GRIK4: variants seen among roughly 807,000 people sequenced by gnomAD.
The protein encoded by GRIK4 is glutamate ionotropic receptor kainate type subunit 4.
In GRIK4, 40 loss-of-function variants were observed where a neutral mutation model predicts 104.9. The ratio of observed to expected loss-of-function variants is 0.38; its 90% CI spans 0.30 to 0.50. GRIK4 has a LOEUF of 0.50. Among genes scored for constraint, GRIK4 ranks in the 20% least tolerant of loss-of-function variants. GRIK4 has a pLI of 0.93. For synonymous variants in GRIK4, 485 were observed against 524.9 expected (o/e 0.92, Z 1.04); for missense variants, 1,047 against 1,308.1 (o/e 0.80, Z 3.08).
At chr11:120,920,252 A>G (rs2134564345) in intron 13 of GRIK4, among the ~76,000 whole-genome samples, 1 of 152,328 alleles carries the variant, frequency 6.6e-6, no homozygotes, top group East Asian at 1.9e-4. Flanking sequence ...TAATTCCTGT[A>G]GCGTGCCTGC....
chr11:120,533,651 G>C (rs778574862), intron 1 of GRIK4, among the ~76,000 whole-genome samples: 1 of 152,246 alleles, frequency 6.6e-6, no homozygotes, highest in African/African-American at 2.4e-5. Context: ...GCCAAGGTGA[G>C]TGGATCACTT....
intron 1 of GRIK4, among the ~76,000 whole-genome samples, chr11:120,534,228 G>T (rs1424814290): frequency 2.6e-5 from 4 of 152,194 alleles, no homozygotes. Context: ...TTCATTCGGG[G>T]CAGTTTGGAG....
At chr11:120,699,712 A>G (rs1950519598) in intron 3 of GRIK4, among the ~76,000 whole-genome samples, 1 of 152,178 alleles carries the variant, frequency 6.6e-6, no homozygotes, top group Non-Finnish European at 1.5e-5. Flanking sequence ...AGTGACATGT[A>G]AGTAAAGACT....
chr11:120,587,488 G>A (rs1023982521), intron 1 of GRIK4, among the ~76,000 whole-genome samples: 1 of 152,160 alleles, frequency 6.6e-6, no homozygotes, highest in African/African-American at 2.4e-5. Flanking sequence ...TAGGGATAAT[G>A]GTATGTAATG....
At chr11:120,781,209 A>G (rs1565347945) in intron 3 of GRIK4, among the ~76,000 whole-genome samples, 1 of 149,412 alleles carries the variant, frequency 6.7e-6, no homozygotes, top group South Asian at 2.1e-4. Flanking sequence ...GGTAATAGTC[A>G]TCCTAATGGG....
At chr11:120,889,762 T>G (rs1401634489) in intron 11 of GRIK4, among the ~76,000 whole-genome samples, 1 of 151,954 alleles carries the variant, frequency 6.6e-6, no homozygotes, top group Non-Finnish European at 1.5e-5. Context: ...GTGCCACTAC[T>G]CCTGATTAAT....
chr11:120,517,785 C>T (rs1243420464), intron 1 of GRIK4, among the ~76,000 whole-genome samples: 2 of 152,214 alleles, frequency 1.3e-5, no homozygotes, highest in Admixed American at 1.3e-4. Context: ...AAGGGGCCGG[C>T]CCCTAGCACA....
chr11:120,935,407 G>A (rs911226596), intron 13 of GRIK4, among the ~76,000 whole-genome samples: 8 of 152,120 alleles, frequency 5.3e-5, no homozygotes, highest in South Asian at 4.2e-4. Flanking sequence ...AAAATTAGCC[G>A]GGTGTGGTGG....
chr11:120,734,027 C>T (rs185164749), intron 3 of GRIK4, among the ~76,000 whole-genome samples: 13 of 152,282 alleles, frequency 8.5e-5, no homozygotes, highest in South Asian at 4.1e-4. Flanking sequence ...TGAGCCACTG[C>T]GCCTGGCCCA....
Position 120,982,202 on chromosome 11 carries a change from T to A in GRIK4, c.2492T>A (p.Leu831His). 6.3e-7 allele frequency: 1 copy of A among 1,599,852 alleles called. No homozygotes were observed. The highest frequency in any genetic ancestry group is 8.6e-7 in the Non-Finnish European group (1 of 1,166,994). The change falls in exon 20 of 21, where the codon CTC becomes CAC. Residue 831 changes from leucine (L) to histidine (H), a missense_variant. Leu to His is a moderately conservative substitution (Grantham distance 99, BLOSUM62 -3). Transcript: ENST00000527524. ...FMAMLEFLWT[L>H]RHSEATEVSV... ...GCTATGTTGGAGTTTTTATGGACTCTCAGACACTCAGAAGCAACTGAGGTA... is the reference window on the plus strand; with the variant it reads ...GCTATGTTGGAGTTTTTATGGACTCACAGACACTCAGAAGCAACTGAGGTA...
At chr11:120,748,265 T>A (rs571060958) in intron 3 of GRIK4, among the ~76,000 whole-genome samples, 1 of 152,258 alleles carries the variant, frequency 6.6e-6, no homozygotes, top group East Asian at 1.9e-4. Context: ...GACTCTCCCT[T>A]CCACCTCCCA....
chr11:120,663,275 G>C (rs1949850447), intron 3 of GRIK4, among the ~76,000 whole-genome samples: 1 of 152,156 alleles, frequency 6.6e-6, no homozygotes, highest in African/African-American at 2.4e-5. Flanking sequence ...GGACTGTAAG[G>C]ATTCGTTATC....
In GRIK4 at chr11:120,961,513, C is replaced by A. The variant is rs529569651; in HGVS notation, c.2040+439C>A. On this transcript the variant is annotated intron_variant, in intron 17 of 20. Coordinates refer to ENST00000527524, the MANE Select transcript of GRIK4 (RefSeq NM_014619.5). ...GGTAGTATTTAGACAGAGCAAGATT[C>A]ATACATGAATGACTGAAGTTTGAGG... is the stretch of plus-strand genomic sequence containing the variant. Among the ~76,000 whole-genome samples, 3 of 152,294 alleles carry A rather than the reference C, an allele frequency of 2.0e-5. No individual in the cohort carries two copies. The South Asian group carries it at 6.2e-4, about 32-fold the overall frequency.
At chr11:120,899,679 A>G (rs1942680059) in intron 12 of GRIK4, among the ~76,000 whole-genome samples, 1 of 152,158 alleles carries the variant, frequency 6.6e-6, no homozygotes, top group Admixed American at 6.5e-5. Context: ...TGAAGACCTT[A>G]TGTTTAAAAG....
intron 19 of GRIK4, among the ~76,000 whole-genome samples, chr11:120,980,332 C>G (rs570626396): frequency 6.6e-6 from 1 of 152,190 alleles, no homozygotes; most frequent in Non-Finnish European, 1.5e-5. Context: ...GTAATTCATC[C>G]GTGTTGCACA....
intron 8 of GRIK4, among the ~76,000 whole-genome samples, chr11:120,850,327 G>A (rs775883756): frequency 1.2e-4 from 18 of 152,242 alleles, no homozygotes; most frequent in Admixed American, 5.9e-4. Context: ...TTTGTGTGAT[G>A]TGTGTTTCTT....
chr11:120,686,479 T>C (rs1273300000), intron 3 of GRIK4, among the ~76,000 whole-genome samples: 1 of 152,240 alleles, frequency 6.6e-6, no homozygotes, highest in Non-Finnish European at 1.5e-5. Context: ...GCCAGGCTCA[T>C]GGCCTTACAA....
At chr11:120,666,035 C>T (rs1449168619) in intron 3 of GRIK4, among the ~76,000 whole-genome samples, 1 of 152,158 alleles carries the variant, frequency 6.6e-6, no homozygotes, top group African/African-American at 2.4e-5. Flanking sequence ...CTAGATATTC[C>T]GTTTTACAGA....
At chr11:120,923,893 G>A (rs1239731965) in intron 13 of GRIK4, among the ~76,000 whole-genome samples, 1 of 152,150 alleles carries the variant, frequency 6.6e-6, no homozygotes, top group Admixed American at 6.5e-5. Flanking sequence ...GTCAGATTCT[G>A]GTGGGTAGTT....
Sources: allele counts gnomAD v4.1 joint callset (sites outside exome capture counted in the v4.1 genomes callset), GRCh38; gene constraint gnomAD v4.1.1; transcripts MANE v1.5; gene names NCBI Gene and HGNC (gene_info 2026-07-23, HGNC 2026-07-21).